Variants in RPS6KC1 observed in about 807,000 individuals in gnomAD.
The protein encoded by RPS6KC1 is ribosomal protein S6 kinase C1.
RPS6KC1 carries 54 observed loss-of-function variants against 103.8 expected under a neutral mutation model. The ratio of observed to expected loss-of-function variants is 0.52; its 90% CI spans 0.42 to 0.65. The LOEUF is 0.65. RPS6KC1 is among the 30% of genes least tolerant of loss of function. The probability of loss-of-function intolerance (pLI) is 0.00; values close to 1 mark genes in which losing one functional copy is unlikely to be tolerated. For missense variants in RPS6KC1, 1,151 were observed against 1,253.8 expected, an observed-to-expected ratio of 0.92 and a Z score of 1.24; for synonymous variants, 439 against 438.7, an observed-to-expected ratio of 1.00 and a Z score of -0.01.
intron 8 of RPS6KC1, among the ~76,000 whole-genome samples, chr1:213,226,617 A>T (rs1400065850): frequency 1.3e-5 from 2 of 152,178 alleles, no homozygotes; most frequent in Non-Finnish European, 2.9e-5. Context: ...CTTATCACTC[A>T]TTATGAACTC....
At chr1:213,065,950 G>A (rs1454589920) in intron 1 of RPS6KC1, among the ~76,000 whole-genome samples, 2 of 152,186 alleles carry the variant, frequency 1.3e-5, no homozygotes, top group African/African-American at 4.8e-5. Flanking sequence ...AAATTTGAAG[G>A]TGAATAGCCA....
chr1:213,578,025 G>A, the RPS6KC1 span, among the ~76,000 whole-genome samples: 1 of 152,178 alleles, frequency 6.6e-6, no homozygotes, highest in Non-Finnish European at 1.5e-5. Flanking sequence ...GGCCTAGTGG[G>A]AAAAAAATGG....
At chr1:213,420,671 T>C in the RPS6KC1 span, among the ~76,000 whole-genome samples, 1,972 of 152,252 alleles carry the variant, frequency 0.013, 43 homozygotes, top group African/African-American at 0.044. Context: ...CAGGTGAATG[T>C]CCTCAAAGCC....
the RPS6KC1 span, among the ~76,000 whole-genome samples, chr1:213,634,748 A>G: frequency 6.6e-6 from 1 of 152,014 alleles, no homozygotes; most frequent in East Asian, 1.9e-4. Context: ...ACTGAAAGAG[A>G]TAGAGACACT....
At position 213,069,801 on chromosome 1, in the gene RPS6KC1, G is replaced by A. The variant is rs58751842; in HGVS notation, c.106-1205G>A. Reference sequence around the variant, plus strand: ...GTTTATTTTTGCAAAATACACCATTGTAGCTTCAAAACCGTTAATTTGACA... The same window carrying A: ...GTTTATTTTTGCAAAATACACCATTATAGCTTCAAAACCGTTAATTTGACA... On this transcript the variant is annotated intron_variant, in intron 1 of 14. Transcript: ENST00000366960. Among the ~76,000 whole-genome samples, 566 of 152,226 alleles carry A rather than the reference G, an allele frequency of 3.7e-3. 4 individuals are homozygous for A. The highest frequency in any genetic ancestry group is 0.013 in the African/African-American group (528 of 41,526).
the RPS6KC1 span, among the ~76,000 whole-genome samples, chr1:213,545,997 G>A: frequency 6.6e-6 from 1 of 152,144 alleles, no homozygotes; most frequent in Non-Finnish European, 1.5e-5. Context: ...CAGGGCACTA[G>A]CTCCTTGATA....
chr1:213,453,000 T>C, the RPS6KC1 span, among the ~76,000 whole-genome samples: 1 of 152,068 alleles, frequency 6.6e-6, no homozygotes, highest in Admixed American at 6.6e-5. Context: ...AACATGCTGG[T>C]GTGGAAGGGA....
At chr1:213,202,136 C>T (rs2148585385) in intron 8 of RPS6KC1, among the ~76,000 whole-genome samples, 1 of 152,254 alleles carries the variant, frequency 6.6e-6, no homozygotes, top group African/African-American at 2.4e-5. Flanking sequence ...AGGGTTTAAA[C>T]TCAGGTCTCT....
At chr1:213,337,852 G>A in the RPS6KC1 span, among the ~76,000 whole-genome samples, 1 of 152,228 alleles carries the variant, frequency 6.6e-6, no homozygotes, top group Non-Finnish European at 1.5e-5. Context: ...GGGAAAGAAG[G>A]AGAGATATGC....
At chr1:213,591,697 G>A in the RPS6KC1 span, among the ~76,000 whole-genome samples, 1 of 152,184 alleles carries the variant, frequency 6.6e-6, no homozygotes, top group Non-Finnish European at 1.5e-5. Flanking sequence ...TTATAAAGAG[G>A]AAGTTTATTA....
At chr1:213,687,845 C>T in the RPS6KC1 span, among the ~76,000 whole-genome samples, 18 of 152,306 alleles carry the variant, frequency 1.2e-4, no homozygotes, top group East Asian at 5.8e-4. Flanking sequence ...TTCACACCAG[C>T]GTATGTGCTT....
chr1:213,464,243 T>A, the RPS6KC1 span, among the ~76,000 whole-genome samples: 2 of 152,200 alleles, frequency 1.3e-5, no homozygotes, highest in Non-Finnish European at 2.9e-5. Flanking sequence ...TTTTTTTATG[T>A]CAGTATTTGA....
chr1:213,204,147 G>C (rs1356540229), intron 8 of RPS6KC1, among the ~76,000 whole-genome samples: 2 of 152,176 alleles, frequency 1.3e-5, no homozygotes, highest in Admixed American at 1.3e-4. Flanking sequence ...CTCTTGTAGA[G>C]CACAGACCCT....
At chr1:213,281,460 T>G in the RPS6KC1 span, among the ~76,000 whole-genome samples, 1 of 152,354 alleles carries the variant, frequency 6.6e-6, no homozygotes, top group Non-Finnish European at 1.5e-5. Flanking sequence ...AGGCAGGTAC[T>G]TCCTTACCAG....
intron 12 of RPS6KC1, among the ~76,000 whole-genome samples, chr1:213,255,733 T>C (rs2094627364): frequency 6.6e-6 from 1 of 152,332 alleles, no homozygotes; most frequent in South Asian, 2.1e-4. Flanking sequence ...GTTCTGATAA[T>C]TGAAAGAATT....
At chr1:213,361,619 C>T in the RPS6KC1 span, among the ~76,000 whole-genome samples, 6 of 152,314 alleles carry the variant, frequency 3.9e-5, no homozygotes, top group South Asian at 1.0e-3. Context: ...AGAAATCACC[C>T]GTCTTCTGTG....
At chr1:213,289,168 G>A in the RPS6KC1 span, among the ~76,000 whole-genome samples, 1 of 141,536 alleles carries the variant, frequency 7.1e-6, no homozygotes, top group South Asian at 2.3e-4. Context: ...AGTTCTTTCC[G>A]TCCTGGAATT....
At chr1:213,725,152 A>G in the RPS6KC1 span, among the ~76,000 whole-genome samples, 1 of 152,250 alleles carries the variant, frequency 6.6e-6, no homozygotes, top group Non-Finnish European at 1.5e-5. Context: ...ACATTAAAAC[A>G]TGCAAAATTT....
At chr1:213,101,656 A>G (rs1295812936) in intron 3 of RPS6KC1, among the ~76,000 whole-genome samples, 3 of 152,212 alleles carry the variant, frequency 2.0e-5, no homozygotes, top group Non-Finnish European at 4.4e-5. Context: ...CAAGTAGTTA[A>G]TGCATTTAAA....
Sources: allele counts gnomAD v4.1 joint callset (sites outside exome capture counted in the v4.1 genomes callset), GRCh38; gene constraint gnomAD v4.1.1; transcripts MANE v1.5; gene names NCBI Gene and HGNC (gene_info 2026-07-23, HGNC 2026-07-21).